GFRA1: variants seen among roughly 807,000 people sequenced by gnomAD.
GFRA1 encodes the protein GDNF family receptor alpha-1.
A neutral mutation model predicts 51.6 loss-of-function variants in GFRA1; 16 were observed. The observed-to-expected ratio is 0.31, with a 90% CI of 0.21 to 0.47. The LOEUF (loss-of-function observed/expected upper bound fraction) is 0.47, where lower values mean the gene tolerates loss of function less well. Among genes scored for constraint, GFRA1 ranks in the 20% least tolerant of loss-of-function variants. The probability of loss-of-function intolerance (pLI) is 1.00; values close to 1 mark genes in which losing one functional copy is unlikely to be tolerated. For missense variants in GFRA1, 530 were observed against 594.3 expected (o/e 0.89, Z 1.13); for synonymous variants, 270 against 241.3 (o/e 1.12, Z -1.10).
At chr10:116,074,773 A>G (rs754532884) in intron 9 of GFRA1, among the ~76,000 whole-genome samples, 1 of 152,200 alleles carries the variant, frequency 6.6e-6, no homozygotes, top group Non-Finnish European at 1.5e-5. Flanking sequence ...ATTTTACCCA[A>G]TAAGAGAACC....
chr10:116,119,021 G>T (rs1224969571), intron 6 of GFRA1, among the ~76,000 whole-genome samples: 3 of 152,176 alleles, frequency 2.0e-5, no homozygotes, highest in Non-Finnish European at 4.4e-5. Context: ...AGCTGGGCAG[G>T]TCATAGCTGG....
At chr10:116,242,696 G>T (rs1005195887) in intron 4 of GFRA1, among the ~76,000 whole-genome samples, 1 of 151,966 alleles carries the variant, frequency 6.6e-6, no homozygotes, top group Non-Finnish European at 1.5e-5. Flanking sequence ...TGGCCAGGCT[G>T]GTCTTGAACT....
intron 4 of GFRA1, among the ~76,000 whole-genome samples, chr10:116,252,955 C>T (rs186926843): frequency 6.6e-6 from 1 of 152,324 alleles, no homozygotes; most frequent in East Asian, 1.9e-4. Flanking sequence ...TATAGCACTG[C>T]ACCCCCCGGC....
chr10:116,195,155 G>A (rs1364879452), intron 5 of GFRA1, among the ~76,000 whole-genome samples: 2 of 152,028 alleles, frequency 1.3e-5, no homozygotes, highest in African/African-American at 4.8e-5. Context: ...TTTCCTTCAT[G>A]GCCAAGTATA....
intron 4 of GFRA1, among the ~76,000 whole-genome samples, chr10:116,232,773 C>T (rs185682061): frequency 1.8e-4 from 28 of 152,294 alleles, no homozygotes; most frequent in Admixed American, 3.9e-4. Context: ...GCTCCAAAAC[C>T]TCAGATCTTG....
chr10:116,143,272 T>C (rs17732875), intron 5 of GFRA1, among the ~76,000 whole-genome samples: 2,217 of 151,978 alleles, frequency 0.015, 29 homozygotes, highest in Non-Finnish European at 0.024. Context: ...GGCTGGGTTT[T>C]AGGATACTGG....
At chr10:116,239,957 A>C (rs1008576433) in intron 4 of GFRA1, among the ~76,000 whole-genome samples, 8 of 152,212 alleles carry the variant, frequency 5.3e-5, no homozygotes, top group African/African-American at 1.7e-4. Flanking sequence ...TCAGACTGAA[A>C]GGTTACAACG....
At chr10:116,181,500 A>G (rs1467042680) in intron 5 of GFRA1, among the ~76,000 whole-genome samples, 1 of 152,202 alleles carries the variant, frequency 6.6e-6, no homozygotes, top group Non-Finnish European at 1.5e-5. Context: ...TGAGCTTCTT[A>G]GTTTAGTTAT....
At chr10:116,094,073 G>T (rs1956472324) in intron 7 of GFRA1, among the ~76,000 whole-genome samples, 2 of 152,136 alleles carry the variant, frequency 1.3e-5, no homozygotes, top group Non-Finnish European at 2.9e-5. Context: ...TGCACTTAGG[G>T]TATTCCTTCC....
intron 5 of GFRA1, among the ~76,000 whole-genome samples, chr10:116,154,280 T>C (rs1041809936): frequency 1.3e-5 from 2 of 152,230 alleles, no homozygotes; most frequent in Admixed American, 1.3e-4. Context: ...AGAATTTTCA[T>C]TGCTGCTTGA....
At chr10:116,112,315 G>C (rs1324141054) in intron 6 of GFRA1, among the ~76,000 whole-genome samples, 3 of 152,142 alleles carry the variant, frequency 2.0e-5, no homozygotes, top group Non-Finnish European at 4.4e-5. Context: ...TCCGACTGCT[G>C]GGTGCTTCCC....
At chr10:116,213,316 T>A (rs1394610709) in intron 4 of GFRA1, among the ~76,000 whole-genome samples, 1 of 152,226 alleles carries the variant, frequency 6.6e-6, no homozygotes. Context: ...AGTGGATTAT[T>A]GTGCAGCTGT....
Position 116,062,013 on chromosome 10 carries a change from G to A in GFRA1, c.*2385C>T. The A allele has an allele frequency of 2.5e-6, 1 of 398,550 alleles. No homozygotes were observed. The highest frequency in any genetic ancestry group is 4.4e-6 in the Non-Finnish European group (1 of 226,040). 24.7% of individuals were successfully genotyped at this position (398,550 alleles called of 1,614,324 possible). On this transcript the variant is annotated 3_prime_UTR_variant, in exon 11 of 11. Transcript: ENST00000355422. ...GTAACTTGAATATGCTTTTATCACT[G>A]AAGAAAAATGAGATATTTGTTGGTG...
At chr10:116,200,462 G>C (rs1006839468) in intron 5 of GFRA1, among the ~76,000 whole-genome samples, 1 of 152,254 alleles carries the variant, frequency 6.6e-6, no homozygotes, top group Non-Finnish European at 1.5e-5. Context: ...CCTGGGGATA[G>C]AGACGGAGAT....
In GFRA1 at chr10:116,272,047, G is replaced by T. The variant is rs955333321; in HGVS notation, c.-18C>A. 1.9e-6 allele frequency: 3 copies of T among 1,549,846 alleles called. No homozygotes were observed. Among genetic ancestry groups the T allele is most frequent in the Non-Finnish European group, 1.7e-6 (2 of 1,146,778 alleles). On this transcript the variant is annotated 5_prime_UTR_variant, in exon 2 of 11. Coordinates refer to ENST00000355422, the MANE Select transcript of GFRA1 (RefSeq NM_005264.8). The surrounding 1 kb of genome is among the most constrained non-coding windows in gnomAD (Gnocchi z 4.4). ...AGGAACATGGTGCCGGCGCGGGGCT[G>T]GTCCCCGCCCCCCCAAAAAAATCCC... is the stretch of plus-strand genomic sequence containing the variant.
chr10:116,255,970 CTAATA>C (rs1157753521), intron 4 of GFRA1, among the ~76,000 whole-genome samples: 1 of 152,034 alleles, frequency 6.6e-6, no homozygotes, highest in East Asian at 1.9e-4. Context: ...CTGTTTCATG[CTAATA>C]TATTGAGGGA....
chr10:116,082,768 A>T (rs772474099), intron 9 of GFRA1, among the ~76,000 whole-genome samples: 24 of 152,124 alleles, frequency 1.6e-4, no homozygotes, highest in Non-Finnish European at 2.9e-4. Flanking sequence ...GTGAGCCACC[A>T]CACCCAGCCT....
At chr10:116,257,738 T>G (rs1025934286) in intron 4 of GFRA1, among the ~76,000 whole-genome samples, 2 of 152,206 alleles carry the variant, frequency 1.3e-5, no homozygotes, top group African/African-American at 2.4e-5. Flanking sequence ...AATGGCAATT[T>G]CATGCGATTC....
At chr10:116,225,677 C>T (rs2134526438) in intron 4 of GFRA1, among the ~76,000 whole-genome samples, 1 of 149,110 alleles carries the variant, frequency 6.7e-6, no homozygotes, top group Non-Finnish European at 1.5e-5. Context: ...GCAGCCTCTG[C>T]CTCCCAAGTT....
Sources: gnomAD v4.1 joint callset for allele counts (sites outside exome capture counted in the v4.1 genomes callset) on GRCh38, gnomAD v4.1.1 for gene constraint, Gnocchi (gnomAD v3.1) non-coding constraint, MANE v1.5 for transcripts, NCBI Gene and HGNC (gene_info 2026-07-23, HGNC 2026-07-21) for gene names.